COX15: variants seen among roughly 807,000 people sequenced by gnomAD.
The protein encoded by COX15 is heme A synthase COX15.
COX15 carries 51 observed loss-of-function variants against 51.9 expected under a neutral mutation model. The observed-to-expected ratio is 0.98, with a 90% CI of 0.78 to 1.24. The LOEUF (loss-of-function observed/expected upper bound fraction) is 1.24. Among genes scored for constraint, COX15 ranks in the 50% most tolerant of loss-of-function variants. The pLI is 0.00. For synonymous variants in COX15, 188 were observed against 190.5 expected (o/e 0.99, Z 0.11); for missense variants, 420 against 501.1 (o/e 0.84, Z 1.55).
At chr10:99,727,911 G>T (rs1463766331) in intron 2 of COX15, among the ~76,000 whole-genome samples, 1 of 151,902 alleles carries the variant, frequency 6.6e-6, no homozygotes, top group East Asian at 1.9e-4. Context: ...CCTTACCCAG[G>T]GAAAAGAGAC....
rs148208957 is a variant in COX15 at position 99,721,034 on chromosome 10, C to T, written c.785G>A (p.Arg262Gln). ...CAGACCTGCTGTTCCATGAGCAAAT[C>T]GTCTCAACTGTAGGAGTTGGTGGGT... ...PETHQLLQLR[R>Q]FAHGTAGLVF... The change falls in exon 6 of 9, where the codon CGA becomes CAA. Residue 262 changes from arginine (R) to glutamine (Q), a missense_variant. Coordinates refer to ENST00000016171, the MANE Select transcript of COX15 (RefSeq NM_078470.6). 7.4e-6 allele frequency: 12 copies of T among 1,613,518 alleles called. No homozygotes were observed. Among genetic ancestry groups the T allele is most frequent in the African/African-American group, 4.0e-5 (3 of 74,846 alleles).
chr10:99,709,661 CTGTTTGGGTG>C (rs2036323782), downstream of COX15: 1 of 985,290 alleles, frequency 1.0e-6, no homozygotes, highest in Non-Finnish European at 1.2e-6. Context: ...CTGTGGCACC[CTGTTTGGGTG>C]TCCCATCTAC....
At chr10:99,700,565 A>G in the COX15 span, among the ~76,000 whole-genome samples, 1 of 152,204 alleles carries the variant, frequency 6.6e-6, no homozygotes, top group Non-Finnish European at 1.5e-5. Flanking sequence ...GCAGACATAC[A>G]AACCAAAAGG....
At chr10:99,729,357 G>C (rs946461040) in intron 2 of COX15, among the ~76,000 whole-genome samples, 196 bp downstream of exon 2, 1 of 151,926 alleles carries the variant, frequency 6.6e-6, no homozygotes. Flanking sequence ...CTACTTGGGA[G>C]GCTGAGGCAG....
chr10:99,721,949 C>T (rs2036788321), intron 5 of COX15, among the ~76,000 whole-genome samples: 1 of 152,126 alleles, frequency 6.6e-6, no homozygotes. Flanking sequence ...CTGCAACCTC[C>T]ACCTCCCAGG....
chr10:99,698,594 A>G, the COX15 span: 1 of 1,614,208 alleles, frequency 6.2e-7, no homozygotes, highest in Non-Finnish European at 8.5e-7. Flanking sequence ...CCTGCCTGCC[A>G]GTGGGACTCA....
the COX15 span, among the ~76,000 whole-genome samples, chr10:99,701,377 T>TC: frequency 6.6e-6 from 1 of 151,670 alleles, no homozygotes; most frequent in Non-Finnish European, 1.5e-5. Flanking sequence ...AACCTCCGCC[T>TC]CCTGGGTTCC....
chr10:99,715,635 T>C (rs1315537872), intron 8 of COX15, among the ~76,000 whole-genome samples: 1 of 145,438 alleles, frequency 6.9e-6, no homozygotes, highest in South Asian at 2.1e-4. Flanking sequence ...TGAGACTCCA[T>C]CTCTAAAAAA....
chr10:99,714,354 A>C lies in COX15; in HGVS notation c.*233T>G. ...TGGCAGACATTTCTTTCTCTACATT[A>C]AAACTGATTTTCAACATGAAAAGCA... On this transcript the variant is annotated 3_prime_UTR_variant, in exon 9 of 9. Transcript: ENST00000016171. 7.5e-7 allele frequency: 1 copy of C among 1,327,242 alleles called. No individual in the cohort carries two copies. Among genetic ancestry groups the C allele is most frequent in the Non-Finnish European group, 9.7e-7 (1 of 1,033,172 alleles). The allele number at this position is 1,327,242 out of a possible 1,614,324, so 82.2% of individuals were successfully genotyped here.
rs1015323028 is a variant in COX15, at chr10:99,732,078, C to A, written c.-29G>T. 6 of 1,605,358 alleles carry A rather than the reference C, an allele frequency of 3.7e-6. No individual in the cohort carries two copies. In the African/African-American group the frequency reaches 6.7e-5, roughly 18 times the overall value. ...GATGACAGGGAACAGCCACCTCTTC[C>A]ACAACCCAGGGCTCTGTGGTCTCCC... On this transcript the variant is annotated 5_prime_UTR_variant, in exon 1 of 9. Coordinates refer to ENST00000016171, the MANE Select transcript of COX15 (RefSeq NM_078470.6).
chr10:99,729,625 C>G lies in COX15; in HGVS notation c.200G>C (p.Arg67Pro), dbSNP rs377441431. The G allele has an allele frequency of 6.2e-7, 1 of 1,614,074 alleles. No individual in the cohort carries two copies. The highest frequency in any genetic ancestry group is 8.5e-7 in the Non-Finnish European group (1 of 1,180,012). Residue 67 changes from arginine (R) to proline (P), a missense_variant, in exon 2 of 9, where the codon CGG becomes CCG. Coordinates refer to ENST00000016171, the MANE Select transcript of COX15 (RefSeq NM_078470.6). ...GACCAGGAGCCATCGGCCCACCACC[C>G]GCTCAGCAGCCTTTGAGGGAAGGGA... ...TVSLPSKAAE[R>P]VVGRWLLVCS... is the part of the protein sequence containing the mutation.
Position 99,714,416 on chromosome 10 carries a change from T to C in COX15, c.*171A>G. The C allele has an allele frequency of 6.8e-7, 1 of 1,480,826 alleles. No homozygotes were observed. Among genetic ancestry groups the C allele is most frequent in the African/African-American group, 1.4e-5 (1 of 71,254 alleles). The allele number at this position is 1,480,826 out of a possible 1,614,324, so 91.7% of individuals were successfully genotyped here. A position where few individuals can be genotyped will look rare whatever the true frequency, so the allele number is the denominator to read the frequency against. On this transcript the variant is annotated 3_prime_UTR_variant, in exon 9 of 9. Transcript: ENST00000016171. ...GAACATTTAGGGTAACCACACTTAA[T>C]GCATTCTTGATCCAGTGACTATCTC...
chr10:99,713,319 T>G lies in COX15; in HGVS notation c.*1268A>C. ...AAATGAGTATGTTACATTTCTAATC[T>G]GTTTAATTTCATCTCGATGGGGTCA... On this transcript the variant is annotated 3_prime_UTR_variant, in exon 9 of 9. Coordinates refer to ENST00000016171, the MANE Select transcript of COX15 (RefSeq NM_078470.6). 6.3e-7 allele frequency: 1 copy of G among 1,597,976 alleles called. No homozygotes were observed. Among genetic ancestry groups the G allele is most frequent in the Non-Finnish European group, 8.6e-7 (1 of 1,169,040 alleles).
chr10:99,726,871 C>T (rs1023882096), intron 4 of COX15, 97 bp downstream of exon 4: 2 of 1,246,566 alleles, frequency 1.6e-6, no homozygotes, highest in Non-Finnish European at 2.2e-6. Context: ...CTGGGCGACA[C>T]AGCGAGACTC....
At position 99,711,909 on chromosome 10, in the gene COX15, G is replaced by A. The variant is rs184628753; in HGVS notation, c.*2678C>T. On this transcript the variant is annotated 3_prime_UTR_variant, in exon 9 of 9. Transcript: ENST00000016171. ...CATAGAACTGTATAGGAAGCATGGC[G>A]CTGGCATCTGCTTCTGGTGAGGGCC... 11 of 799,216 alleles carry A rather than the reference G, an allele frequency of 1.4e-5. No homozygotes were observed. Among genetic ancestry groups the A allele is most frequent in the East Asian group, 1.3e-4 (1 of 7,970 alleles). The allele number at this position is 799,216 out of a possible 1,614,324, so 49.5% of individuals were successfully genotyped here.
the COX15 span, chr10:99,702,437 G>C: frequency 7.8e-7 from 1 of 1,289,732 alleles, no homozygotes; most frequent in Non-Finnish European, 1.0e-6. Context: ...GTGGGAATAC[G>C]GAGTGGCTTA....
chr10:99,713,613 G>A lies in COX15; in HGVS notation c.*974C>T. On this transcript the variant is annotated 3_prime_UTR_variant, in exon 9 of 9. Coordinates refer to ENST00000016171, the MANE Select transcript of COX15 (RefSeq NM_078470.6). ...ACAAAGCTGTTAGGAAACCCTCTCA[G>A]GAACCAATTTATACTGTCGATTCCA... 7.5e-7 allele frequency: 1 copy of A among 1,328,360 alleles called. No individual in the cohort carries two copies. Among genetic ancestry groups the A allele is most frequent in the South Asian group, 1.3e-5 (1 of 77,404 alleles). The allele number at this position is 1,328,360 out of a possible 1,614,324, so 82.3% of individuals were successfully genotyped here.
At position 99,714,695 on chromosome 10, in the gene COX15, C is replaced by T. The variant is rs773736486; in HGVS notation, c.1125G>A (p.Leu375=). ...YTQVGLGIST[L]LMYVPTPLAA... ...CCAGAGGAGTTGGGACATACATCAG[C>T]AGCGTGCTGATGCCCAAGCCCACCT... The change falls in exon 9 of 9, where the codon CTG becomes CTA. Residue 375 remains leucine (L), a synonymous_variant. Coordinates refer to ENST00000016171, the MANE Select transcript of COX15 (RefSeq NM_078470.6). 1.7e-5 allele frequency: 27 copies of T among 1,613,740 alleles called. 1 individual carries two copies. The East Asian group carries it at 6.0e-4, about 36-fold the overall frequency.
downstream of COX15, chr10:99,709,493 A>C: frequency 5.1e-6 from 5 of 985,114 alleles, no homozygotes; most frequent in Non-Finnish European, 6.0e-6. Flanking sequence ...AAAAACTAAG[A>C]CTCAAAACCA....
Sources: gnomAD v4.1 joint callset for allele counts (sites outside exome capture counted in the v4.1 genomes callset) on GRCh38, gnomAD v4.1.1 for gene constraint, MANE v1.5 for transcripts, NCBI Gene and HGNC (gene_info 2026-07-23, HGNC 2026-07-21) for gene names.